Variants in DGKB observed in about 807,000 individuals in gnomAD.
The protein encoded by DGKB is 90 kDa diacylglycerol kinase.
In DGKB, 67 loss-of-function variants were observed where a neutral mutation model predicts 114.3. The observed-to-expected ratio is 0.59, with a 90% CI of 0.48 to 0.72. The LOEUF is 0.72. Ranked by LOEUF, DGKB falls within the 30% of genes least tolerant of loss-of-function variation. The probability of loss-of-function intolerance (pLI) is 0.00; values close to 1 mark genes in which losing one functional copy is unlikely to be tolerated. For synonymous variants in DGKB, 398 were observed against 323.1 expected, an observed-to-expected ratio of 1.23 and a Z score of -2.49; for missense variants, 907 against 975.2, an observed-to-expected ratio of 0.93 and a Z score of 0.93.
At chr7:14,506,596 A>G (rs1369863479) in intron 20 of DGKB, among the ~76,000 whole-genome samples, 1 of 152,184 alleles carries the variant, frequency 6.6e-6, no homozygotes, top group South Asian at 2.1e-4. Context: ...TTCATTCACA[A>G]AACAAAGATG....
chr7:14,698,694 T>C (rs1467004340), intron 7 of DGKB, among the ~76,000 whole-genome samples: 1 of 152,116 alleles, frequency 6.6e-6, no homozygotes, highest in East Asian at 1.9e-4. Flanking sequence ...GCAGCATTTA[T>C]TTTGTGAGAG....
At chr7:14,590,628 T>C (rs966213580) in intron 17 of DGKB, among the ~76,000 whole-genome samples, 2 of 152,152 alleles carry the variant, frequency 1.3e-5, no homozygotes, top group Admixed American at 6.6e-5. Context: ...ATTCAATCCA[T>C]GCAGTTTTCC....
At chr7:14,795,322 G>C (rs182494876) in intron 2 of DGKB, among the ~76,000 whole-genome samples, 277 of 152,294 alleles carry the variant, frequency 1.8e-3, no homozygotes, top group African/African-American at 5.8e-3. Flanking sequence ...AGGTTGGTTG[G>C]TTAACTGCTG....
intron 10 of DGKB, among the ~76,000 whole-genome samples, chr7:14,684,897 G>C (rs545840368): frequency 4.0e-4 from 61 of 152,138 alleles, no homozygotes; most frequent in Admixed American, 1.7e-3. Flanking sequence ...CTAACATGTG[G>C]GGAGGGGGGG....
At chr7:14,695,826 A>G (rs1160417646) in intron 8 of DGKB, among the ~76,000 whole-genome samples, 2 of 151,846 alleles carry the variant, frequency 1.3e-5, no homozygotes, top group African/African-American at 4.8e-5. Context: ...TTATTTATAT[A>G]TGCAAACCTA....
chr7:14,732,210 T>C (rs1002569728), intron 5 of DGKB, among the ~76,000 whole-genome samples: 2 of 152,046 alleles, frequency 1.3e-5, no homozygotes, highest in African/African-American at 4.8e-5. Context: ...TTTTTTCCTT[T>C]TCAGTTTTGT....
chr7:14,734,791 A>T (rs1270532929), intron 5 of DGKB, among the ~76,000 whole-genome samples: 2 of 152,212 alleles, frequency 1.3e-5, no homozygotes, highest in Admixed American at 1.3e-4. Context: ...TCATCCACAT[A>T]AACATAAGTT....
intron 4 of DGKB, among the ~76,000 whole-genome samples, chr7:14,749,073 A>T (rs909880404): frequency 1.3e-5 from 2 of 152,192 alleles, no homozygotes; most frequent in African/African-American, 4.8e-5. Context: ...AATTATATCA[A>T]ACTCAAAAAT....
At chr7:14,472,563 A>G (rs1781577215) in intron 21 of DGKB, among the ~76,000 whole-genome samples, 1 of 152,220 alleles carries the variant, frequency 6.6e-6, no homozygotes, top group Non-Finnish European at 1.5e-5. Context: ...GCACTGCTGA[A>G]AAGATACCCA....
chr7:14,267,482 T>C (rs1459865853), intron 23 of DGKB, among the ~76,000 whole-genome samples: 4 of 150,972 alleles, frequency 2.6e-5, no homozygotes, highest in Non-Finnish European at 4.4e-5. Flanking sequence ...TTTTTTTCTT[T>C]TTTTTTTTAT....
intron 4 of DGKB, among the ~76,000 whole-genome samples, chr7:14,753,212 G>A (rs1279347264): frequency 6.6e-6 from 1 of 152,110 alleles, no homozygotes; most frequent in African/African-American, 2.4e-5. Flanking sequence ...ATTGCCCAAA[G>A]GAGACAATAT....
At chr7:14,493,677 C>T (rs183292382) in intron 20 of DGKB, among the ~76,000 whole-genome samples, 17 of 152,026 alleles carry the variant, frequency 1.1e-4, no homozygotes, top group East Asian at 3.9e-4. Context: ...GGTCCAGGGA[C>T]GGTCCAAGAT....
At chr7:14,176,673 C>A (rs2128243801) in intron 25 of DGKB, 166 bp downstream of exon 25, 1 of 1,416,524 alleles carries the variant, frequency 7.1e-7, no homozygotes, top group Non-Finnish European at 9.2e-7. Flanking sequence ...ATAATGTCTA[C>A]AACCTAAATG....
At chr7:14,527,500 A>C (rs547627856) in intron 20 of DGKB, among the ~76,000 whole-genome samples, 11 of 152,224 alleles carry the variant, frequency 7.2e-5, no homozygotes, top group Non-Finnish European at 1.2e-4. Context: ...GCAATTCTGC[A>C]ATTATTATAC....
chr7:14,164,781 G>T (rs577920022), intron 25 of DGKB, among the ~76,000 whole-genome samples: 3 of 152,040 alleles, frequency 2.0e-5, no homozygotes, highest in Non-Finnish European at 4.4e-5. Flanking sequence ...GGGGATTACA[G>T]GGAATTTAGT....
chr7:14,892,025 C>G (rs183619043), intron 1 of DGKB, among the ~76,000 whole-genome samples: 1 of 151,190 alleles, frequency 6.6e-6, no homozygotes, highest in Non-Finnish European at 1.5e-5. Flanking sequence ...AAGAGTAATA[C>G]AGGAAAATAA....
At chr7:14,396,667 A>C (rs1464863367) in intron 21 of DGKB, among the ~76,000 whole-genome samples, 1 of 152,164 alleles carries the variant, frequency 6.6e-6, no homozygotes, top group African/African-American at 2.4e-5. Context: ...AAACAGAACC[A>C]GTATTTATTT....
At chr7:14,887,347 T>G (rs1251920815) in intron 1 of DGKB, among the ~76,000 whole-genome samples, 1 of 151,798 alleles carries the variant, frequency 6.6e-6, no homozygotes, top group East Asian at 1.9e-4. Flanking sequence ...GCAGAGGCAG[T>G]GCGTTCTCTT....
intron 21 of DGKB, among the ~76,000 whole-genome samples, chr7:14,374,710 G>A (rs1341673921): frequency 1.3e-5 from 2 of 152,180 alleles, no homozygotes; most frequent in Non-Finnish European, 2.9e-5. Context: ...TTGCCGTACA[G>A]CAGGGTTTCT....
Sources: gnomAD v4.1 joint callset for allele counts (sites outside exome capture counted in the v4.1 genomes callset) on GRCh38, gnomAD v4.1.1 for gene constraint, MANE v1.5 for transcripts, NCBI Gene and HGNC (gene_info 2026-07-23, HGNC 2026-07-21) for gene names.